The following SPAG16 variants were observed in gnomAD, a reference collection of about 807,000 sequenced individuals.
SPAG16 encodes the protein sperm-associated antigen 16 protein.
SPAG16 carries 86 observed loss-of-function variants against 80.4 expected under a neutral mutation model. The observed-to-expected ratio is 1.07, with a 90% CI of 0.90 to 1.28. SPAG16 has a LOEUF of 1.28. Among genes scored for constraint, SPAG16 ranks in the 50% most tolerant of loss-of-function variants. The pLI is 0.00. For synonymous variants in SPAG16, 294 were observed against 265.9 expected (o/e 1.11, Z -1.03); for missense variants, 870 against 765.3 (o/e 1.14, Z -1.61).
chr2:213,957,505 G>A (rs1175885999), intron 12 of SPAG16, among the ~76,000 whole-genome samples: 1 of 150,872 alleles, frequency 6.6e-6, no homozygotes, highest in South Asian at 2.1e-4. Flanking sequence ...AAACTGAATC[G>A]GTTGCAAACA....
At chr2:213,323,397 T>C (rs1002235588) in intron 5 of SPAG16, among the ~76,000 whole-genome samples, 4 of 151,744 alleles carry the variant, frequency 2.6e-5, no homozygotes, top group South Asian at 2.1e-4. Context: ...GCCGAGATCA[T>C]GCCACTGCAC....
intron 10 of SPAG16, among the ~76,000 whole-genome samples, chr2:213,715,066 G>A (rs1172001525): frequency 6.6e-6 from 1 of 152,160 alleles, no homozygotes; most frequent in Non-Finnish European, 1.5e-5. Flanking sequence ...GCTTTTCAGT[G>A]TGATCACTGT....
chr2:214,366,998 A>G lies in SPAG16; in HGVS notation c.1721-43142A>G, dbSNP rs1020252550. Among the ~76,000 whole-genome samples the G allele has an allele frequency of 8.5e-5, 13 of 152,138 alleles. 1 individual carries two copies. The highest frequency in any genetic ancestry group is 2.9e-5 in the Non-Finnish European group (2 of 68,006). ...AGGTGGTAAGGAAGGAGAGAGCTAT[A>G]TCTACTATTGCTCTTGGCCTCTCTC... On this transcript the variant is annotated intron_variant, in intron 15 of 15. Transcript: ENST00000331683.
chr2:214,002,954 G>T lies in SPAG16; in HGVS notation c.1401-10997G>T, dbSNP rs915684166. ...GGTCAAGTTGACACATAAAATTATC[G>T]CATTGAGAATATTAGGCATCCAATA... is the stretch of plus-strand genomic sequence containing the variant. On this transcript the variant is annotated intron_variant, in intron 12 of 15. Coordinates refer to ENST00000331683, the MANE Select transcript of SPAG16 (RefSeq NM_024532.5). 4.6e-5 allele frequency among the ~76,000 whole-genome samples: 7 copies of T among 152,116 alleles called. No homozygotes were observed. The South Asian group carries it at 1.2e-3, about 27-fold the overall frequency.
intron 12 of SPAG16, among the ~76,000 whole-genome samples, chr2:213,989,549 C>A (rs2046179877): frequency 6.6e-6 from 1 of 152,040 alleles, no homozygotes. Flanking sequence ...CCTTATGACC[C>A]AACCAGTCCT....
In SPAG16 at chr2:213,487,692, G is replaced by A. The variant is rs192496407; in HGVS notation, c.943-2271G>A. Among the ~76,000 whole-genome samples the A allele has an allele frequency of 1.8e-4, 28 of 152,098 alleles. No individual in the cohort carries two copies. The East Asian group carries it at 3.1e-3, about 17-fold the overall frequency. The stretch of plus-strand genomic sequence containing the variant: ...GCAGCAGGACCTAGTTGATTAGGTC[G>A]TATTAAATACCTCTTTCTATGATTA... On this transcript the variant is annotated intron_variant, in intron 9 of 15. Coordinates refer to ENST00000331683, the MANE Select transcript of SPAG16 (RefSeq NM_024532.5).
chr2:213,554,107 C>G (rs564275618), intron 10 of SPAG16, among the ~76,000 whole-genome samples: 1 of 152,274 alleles, frequency 6.6e-6, no homozygotes, highest in East Asian at 1.9e-4. Flanking sequence ...GATACAGTTC[C>G]AGGACAGATT....
chr2:213,955,950 TTTTA>T (rs1380796959), intron 12 of SPAG16, among the ~76,000 whole-genome samples: 3 of 151,696 alleles, frequency 2.0e-5, no homozygotes, highest in Non-Finnish European at 2.9e-5. Flanking sequence ...AATTTTTGGT[TTTTA>T]TTTATTATTT....
At chr2:213,852,732 A>C (rs1177775536) in intron 10 of SPAG16, among the ~76,000 whole-genome samples, 1 of 152,172 alleles carries the variant, frequency 6.6e-6, no homozygotes, top group Non-Finnish European at 1.5e-5. Flanking sequence ...ATATCACTTT[A>C]CTACATTTTC....
At chr2:213,543,317 T>A (rs189461851) in intron 10 of SPAG16, among the ~76,000 whole-genome samples, 3 of 152,182 alleles carry the variant, frequency 2.0e-5, no homozygotes, top group Non-Finnish European at 2.9e-5. Flanking sequence ...TTGGGTTTTT[T>A]AAATTTTATA....
intron 14 of SPAG16, among the ~76,000 whole-genome samples, chr2:214,119,316 A>G (rs1188997829): frequency 1.3e-5 from 2 of 152,184 alleles, no homozygotes; most frequent in Admixed American, 1.3e-4. Context: ...CTTTTAAAGT[A>G]ATCTGTCATG....
In SPAG16 at chr2:213,514,763, A is replaced by G. The variant is rs1288004643; in HGVS notation, c.1070+24673A>G. Among the ~76,000 whole-genome samples the G allele has an allele frequency of 3.3e-5, 5 of 152,040 alleles. No homozygotes were observed. The East Asian group carries it at 9.6e-4, about 29-fold the overall frequency. On this transcript the variant is annotated intron_variant, in intron 10 of 15. Coordinates refer to ENST00000331683, the MANE Select transcript of SPAG16 (RefSeq NM_024532.5). ...AGTAAATTATAATTTTAACACTGAA[A>G]TTATTTGCTAGTGAAGATACAAATC...
chr2:214,244,979 CA>C (rs1689738191), intron 15 of SPAG16, among the ~76,000 whole-genome samples: 1 of 152,012 alleles, frequency 6.6e-6, no homozygotes, highest in African/African-American at 2.4e-5. Context: ...ACTACATTTC[CA>C]AACCTTTTAC....
intron 10 of SPAG16, among the ~76,000 whole-genome samples, chr2:213,713,470 G>A (rs1559400876): frequency 6.6e-6 from 1 of 152,156 alleles, no homozygotes; most frequent in South Asian, 2.1e-4. Flanking sequence ...TCACTTCTTA[G>A]GAATAACAAA....
chr2:213,551,775 G>A lies in SPAG16; in HGVS notation c.1070+61685G>A, dbSNP rs577048134. 3.3e-5 allele frequency among the ~76,000 whole-genome samples: 5 copies of A among 152,116 alleles called. No homozygotes were observed. In the South Asian group the frequency reaches 6.2e-4, roughly 19 times the overall value. On this transcript the variant is annotated intron_variant, in intron 10 of 15. Transcript: ENST00000331683. The stretch of plus-strand genomic sequence containing the variant: ...GCAGTCTGAATTTTTCAACAGTGAC[G>A]TCCCCACTCCACTTCTATATTTGAC...
chr2:214,238,693 A>G (rs1689242219), intron 15 of SPAG16: 1 of 150,362 alleles, frequency 6.7e-6, no homozygotes, highest in Non-Finnish European at 1.5e-5. Context: ...TGTGCTATCT[A>G]GCTACCTCTT....
rs376862631 is a variant in SPAG16 at position 214,276,343 on chromosome 2, T to C, written c.1720+127077T>C. Among the ~76,000 whole-genome samples, 26 of 152,358 alleles carry C rather than the reference T, an allele frequency of 1.7e-4. No individual in the cohort carries two copies. In the East Asian group the frequency reaches 4.4e-3, roughly 26 times the overall value. On this transcript the variant is annotated intron_variant, in intron 15 of 15. Coordinates refer to ENST00000331683, the MANE Select transcript of SPAG16 (RefSeq NM_024532.5). ...TGAATTTGATCCTGTCATTATGATG[T>C]AAGCTGGTTATCTTGCCCATTAATT...
chr2:213,904,359 C>T (rs1214093256), intron 11 of SPAG16, among the ~76,000 whole-genome samples: 1 of 152,026 alleles, frequency 6.6e-6, no homozygotes, highest in Non-Finnish European at 1.5e-5. Flanking sequence ...GAACTTCTTA[C>T]ATAGTGGCAG....
At chr2:214,366,665 A>G (rs1699501705) in intron 15 of SPAG16, among the ~76,000 whole-genome samples, 2 of 152,174 alleles carry the variant, frequency 1.3e-5, no homozygotes, top group Non-Finnish European at 2.9e-5. Flanking sequence ...TTACCATAAA[A>G]TCAACCAAAC....
Sources: allele counts gnomAD v4.1 joint callset (sites outside exome capture counted in the v4.1 genomes callset), GRCh38; gene constraint gnomAD v4.1.1; transcripts MANE v1.5; gene names NCBI Gene and HGNC (gene_info 2026-07-23, HGNC 2026-07-21).